Variants in UACA observed in about 807,000 individuals in gnomAD.
The protein encoded by UACA is uveal autoantigen with coiled-coil domains and ankyrin repeats.
In UACA, 112 loss-of-function variants were observed where a neutral mutation model predicts 160.5. That is an observed-to-expected ratio of 0.70 (90% CI 0.60 to 0.82). The LOEUF is 0.82. Ranked by LOEUF, UACA falls within the 40% of genes least tolerant of loss-of-function variation. The pLI is 0.00. For missense variants in UACA, 1,574 were observed against 1,614.6 expected, an observed-to-expected ratio of 0.97 and a Z score of 0.43; for synonymous variants, 557 against 568.4, an observed-to-expected ratio of 0.98 and a Z score of 0.29.
intron 1 of UACA, among the ~76,000 whole-genome samples, chr15:70,723,952 T>A (rs143834931): frequency 6.6e-6 from 1 of 152,148 alleles, no homozygotes; most frequent in African/African-American, 2.4e-5. Context: ...TCAAAGAAAC[T>A]TCCTCTGACT....
At chr15:70,672,454 A>T (rs1480903886) in intron 13 of UACA, among the ~76,000 whole-genome samples, 1 of 152,172 alleles carries the variant, frequency 6.6e-6, no homozygotes, top group Admixed American at 6.5e-5. Flanking sequence ...AGAGTTTATA[A>T]AATACCAAGT....
chr15:70,772,204 A>G, the UACA span, among the ~76,000 whole-genome samples: 5 of 152,166 alleles, frequency 3.3e-5, no homozygotes, highest in South Asian at 2.1e-4. Flanking sequence ...GTAGTAAGAT[A>G]TTAAGAATCT....
In UACA at chr15:70,687,585, AG is replaced by A; in HGVS notation, c.556del (p.Leu186Ter). The A allele has an allele frequency of 6.2e-7, 1 of 1,613,960 alleles. No individual in the cohort carries two copies. The highest frequency in any genetic ancestry group is 8.5e-7 in the Non-Finnish European group (1 of 1,179,874). On this transcript the variant is annotated frameshift_variant, in exon 7 of 19. Transcript: ENST00000322954. LOFTEE classifies it high-confidence loss of function. The stretch of plus-strand genomic sequence containing the variant: ...ATTAACATCCGCTCCTCTATCTATC[AG>A]CAGTTGACATATTGTTGGCCTACTC... ...QMSRPTICQL[L>X]IDRGADVNSR...
chr15:70,776,859 A>G, the UACA span, among the ~76,000 whole-genome samples: 5 of 152,242 alleles, frequency 3.3e-5, no homozygotes, highest in Admixed American at 2.6e-4. Flanking sequence ...CTGATTATAT[A>G]TAGTGTATCA....
At chr15:70,756,957 G>A (rs1443786158) in intron 1 of UACA, among the ~76,000 whole-genome samples, 1 of 152,084 alleles carries the variant, frequency 6.6e-6, no homozygotes, top group Non-Finnish European at 1.5e-5. Context: ...CAAATAATTC[G>A]ATATCATCAA....
At position 70,720,455 on chromosome 15, in the gene UACA, C is replaced by G. The variant is rs534621029; in HGVS notation, c.79-20795G>C. On this transcript the variant is annotated intron_variant, in intron 1 of 18. Coordinates refer to ENST00000322954, the MANE Select transcript of UACA (RefSeq NM_018003.4). ...CCCAAAGTGCTACTACAGGCATGAG[C>G]CACCATGCCCCACCCATTCTTCCCC... 2.0e-5 allele frequency among the ~76,000 whole-genome samples: 3 copies of G among 152,258 alleles called. No homozygotes were observed. The South Asian group carries it at 6.2e-4, about 32-fold the overall frequency.
intron 13 of UACA, among the ~76,000 whole-genome samples, chr15:70,675,029 A>G (rs1459873660): frequency 6.6e-6 from 1 of 152,206 alleles, no homozygotes; most frequent in Non-Finnish European, 1.5e-5. Context: ...TTTCTCATTC[A>G]AGTAATTCTA....
At chr15:70,743,260 C>T (rs1899594524) in intron 1 of UACA, among the ~76,000 whole-genome samples, 1 of 152,172 alleles carries the variant, frequency 6.6e-6, no homozygotes, top group African/African-American at 2.4e-5. Context: ...TAAAACAGCT[C>T]ATGTAATTAG....
At chr15:70,753,419 C>G (rs2141013671) in intron 1 of UACA, among the ~76,000 whole-genome samples, 1 of 152,296 alleles carries the variant, frequency 6.6e-6, no homozygotes, top group South Asian at 2.1e-4. Flanking sequence ...AATGCCTCCT[C>G]TCTCCCCTTC....
At chr15:70,681,771 A>G (rs1408554122) in intron 9 of UACA, 1 of 152,234 alleles carries the variant, frequency 6.6e-6, no homozygotes, top group Non-Finnish European at 1.5e-5. Context: ...ATTGAAAAGG[A>G]AAACAAGCTT....
intron 9 of UACA, 103 bp downstream of exon 9, chr15:70,682,655 C>T (rs371041912): frequency 1.6e-5 from 9 of 580,300 alleles, no homozygotes; most frequent in Admixed American, 8.2e-5. Flanking sequence ...AGAGATAGAA[C>T]GCATTTAAAC....
upstream of UACA, among the ~76,000 whole-genome samples, chr15:70,767,494 A>C (rs1163710247): frequency 6.6e-6 from 1 of 151,894 alleles, no homozygotes; most frequent in Admixed American, 6.6e-5. Flanking sequence ...AGGCTGAGGC[A>C]GGAGAATCGC....
chr15:70,691,245 A>C, intron 4 of UACA, 54 bp downstream of exon 4: 1 of 1,272,742 alleles, frequency 7.9e-7, no homozygotes, highest in South Asian at 1.4e-5. Flanking sequence ...TTAAAAGTAC[A>C]TCTATGATTT....
chr15:70,724,615 C>G (rs1466389921), intron 1 of UACA, among the ~76,000 whole-genome samples: 1 of 152,046 alleles, frequency 6.6e-6, no homozygotes, highest in Non-Finnish European at 1.5e-5. Flanking sequence ...CAATCACTCG[C>G]TAAAAGGTGT....
intron 1 of UACA, among the ~76,000 whole-genome samples, chr15:70,700,915 A>G (rs1898334708): frequency 6.6e-6 from 1 of 152,132 alleles, no homozygotes; most frequent in Non-Finnish European, 1.5e-5. Flanking sequence ...TCACCTGTAT[A>G]TCCTCTACAT....
chr15:70,697,300 A>C (rs986356555), intron 2 of UACA, among the ~76,000 whole-genome samples: 1 of 152,210 alleles, frequency 6.6e-6, no homozygotes, highest in Non-Finnish European at 1.5e-5. Flanking sequence ...TTTCCCTGGG[A>C]ACATTTGCTG....
chr15:70,728,799 A>T (rs975805267), intron 1 of UACA, among the ~76,000 whole-genome samples: 28 of 151,592 alleles, frequency 1.8e-4, no homozygotes, highest in African/African-American at 6.3e-4. Context: ...GTATCCAACA[A>T]AGGTTTAATA....
At chr15:70,688,302 T>C (rs1897802594) in intron 5 of UACA, among the ~76,000 whole-genome samples, 2 of 152,172 alleles carry the variant, frequency 1.3e-5, no homozygotes, top group Admixed American at 1.3e-4. Context: ...TAAGGTCATT[T>C]TGCTAATAAT....
intron 1 of UACA, among the ~76,000 whole-genome samples, chr15:70,755,219 G>C (rs1404819140): frequency 6.6e-6 from 1 of 152,128 alleles, no homozygotes; most frequent in African/African-American, 2.4e-5. Context: ...CTGGCTATTA[G>C]CTAATTCTAG....
Sources: allele counts gnomAD v4.1 joint callset (sites outside exome capture counted in the v4.1 genomes callset), GRCh38; gene constraint gnomAD v4.1.1; transcripts MANE v1.5; gene names NCBI Gene and HGNC (gene_info 2026-07-23, HGNC 2026-07-21).